The following NCKAP5 variants were observed in gnomAD, a reference collection of about 807,000 sequenced individuals.
NCKAP5 encodes the protein NCK associated protein 5, also known as nck-associated protein 5.
In NCKAP5, 92 loss-of-function variants were observed where a neutral mutation model predicts 167.0. The ratio of observed to expected loss-of-function variants is 0.55; its 90% confidence interval spans 0.47 to 0.66. The LOEUF (loss-of-function observed/expected upper bound fraction) is 0.66, where lower values mean the gene tolerates loss of function less well. Ranked by LOEUF, NCKAP5 falls within the 30% of genes least tolerant of loss-of-function variation. The pLI is 0.00. For missense variants in NCKAP5, 2,378 were observed against 2,315.0 expected, an observed-to-expected ratio of 1.03 and a Z score of -0.56; for synonymous variants, 891 against 877.4, an observed-to-expected ratio of 1.02 and a Z score of -0.27.
chr2:133,405,560 G>A (rs1040917913), intron 3 of NCKAP5, among the ~76,000 whole-genome samples: 2 of 152,216 alleles, frequency 1.3e-5, no homozygotes, highest in African/African-American at 4.8e-5. Context: ...TGTGCATGGG[G>A]AGACTTCAAA....
intron 4 of NCKAP5, among the ~76,000 whole-genome samples, chr2:133,236,393 C>T (rs1219097090): frequency 6.6e-6 from 1 of 151,942 alleles, no homozygotes; most frequent in Non-Finnish European, 1.5e-5. Flanking sequence ...GCATATATAC[C>T]CTACCAGTTG....
chr2:132,907,734 T>C (rs796380751), intron 8 of NCKAP5, among the ~76,000 whole-genome samples: 18 of 152,248 alleles, frequency 1.2e-4, no homozygotes, highest in African/African-American at 4.1e-4. Flanking sequence ...CTTGGCTCAC[T>C]GCAAGCTCAG....
chr2:132,903,096 T>G (rs1327465543), intron 8 of NCKAP5, among the ~76,000 whole-genome samples: 1 of 152,140 alleles, frequency 6.6e-6, no homozygotes, highest in Non-Finnish European at 1.5e-5. Context: ...GTTGTGAGGG[T>G]CACATGGGAT....
chr2:133,230,973 G>T (rs966082295), intron 4 of NCKAP5, among the ~76,000 whole-genome samples: 2 of 152,122 alleles, frequency 1.3e-5, no homozygotes, highest in Admixed American at 1.3e-4. Flanking sequence ...GTTTTTAGGG[G>T]ATGCTGCTGC....
intron 3 of NCKAP5, among the ~76,000 whole-genome samples, chr2:133,315,413 T>G (rs1340296188): frequency 6.6e-6 from 1 of 152,140 alleles, no homozygotes; most frequent in Non-Finnish European, 1.5e-5. Context: ...TTGGGGTAAA[T>G]TTGTGCAAGG....
intron 8 of NCKAP5, among the ~76,000 whole-genome samples, chr2:132,894,155 G>A (rs1417418789): frequency 6.6e-6 from 1 of 152,218 alleles, no homozygotes; most frequent in African/African-American, 2.4e-5. Flanking sequence ...GGAAGATGGG[G>A]AGATCCAAAG....
intron 8 of NCKAP5, among the ~76,000 whole-genome samples, chr2:132,936,875 A>C (rs1050806818): frequency 2.6e-5 from 4 of 152,258 alleles, no homozygotes; most frequent in Non-Finnish European, 4.4e-5. Flanking sequence ...GCAGATAATG[A>C]AATGAGGGTT....
intron 6 of NCKAP5, among the ~76,000 whole-genome samples, chr2:133,119,364 T>G (rs2082183012): frequency 6.6e-6 from 1 of 152,124 alleles, no homozygotes. Flanking sequence ...GTCTCTTAGG[T>G]GCAATCTCAG....
intron 2 of NCKAP5, among the ~76,000 whole-genome samples, chr2:133,531,000 T>A (rs1215617516): frequency 6.6e-6 from 1 of 152,130 alleles, no homozygotes; most frequent in African/African-American, 2.4e-5. Context: ...GGTCATCCCA[T>A]GGAATCAGGA....
chr2:133,221,850 T>C (rs2086674373), intron 4 of NCKAP5, among the ~76,000 whole-genome samples: 1 of 152,250 alleles, frequency 6.6e-6, no homozygotes. Flanking sequence ...TCTATGTTAT[T>C]CTCTAACTTC....
At chr2:132,921,718 G>A (rs1194924520) in intron 8 of NCKAP5, among the ~76,000 whole-genome samples, 1 of 152,084 alleles carries the variant, frequency 6.6e-6, no homozygotes, top group Non-Finnish European at 1.5e-5. Context: ...CTATCTTTGG[G>A]AAAGAGTATC....
chr2:133,067,311 A>C (rs545530858), intron 6 of NCKAP5, among the ~76,000 whole-genome samples: 19 of 152,388 alleles, frequency 1.2e-4, no homozygotes, highest in South Asian at 8.3e-4. Context: ...TTTCCAACTA[A>C]GATATTCTAA....
At chr2:133,532,238 A>G (rs1685424965) in intron 2 of NCKAP5, among the ~76,000 whole-genome samples, 1 of 152,236 alleles carries the variant, frequency 6.6e-6, no homozygotes, top group South Asian at 2.1e-4. Flanking sequence ...CCCCAATTCC[A>G]AAAGAATGGG....
In NCKAP5 at chr2:133,325,183, C is replaced by T. The variant is rs538600084; in HGVS notation, c.70-22073G>A. 3.3e-5 allele frequency among the ~76,000 whole-genome samples: 5 copies of T among 152,250 alleles called. No individual in the cohort carries two copies. The East Asian group carries it at 9.7e-4, about 29-fold the overall frequency. ...GGGAGGAAGGCACTGGAATGCAGAA[C>T]CATAGCTTTACCATGTTAAGCCACT... On this transcript the variant is annotated intron_variant, in intron 3 of 19. Transcript: ENST00000409261.
intron 4 of NCKAP5, among the ~76,000 whole-genome samples, chr2:133,255,712 T>C (rs561647572): frequency 1.3e-5 from 2 of 152,326 alleles, no homozygotes; most frequent in African/African-American, 2.4e-5. Flanking sequence ...TTGCCAACCA[T>C]TGCTTAGAAT....
At chr2:133,391,671 T>C (rs1291101965) in intron 3 of NCKAP5, among the ~76,000 whole-genome samples, 1 of 152,182 alleles carries the variant, frequency 6.6e-6, no homozygotes, top group Non-Finnish European at 1.5e-5. Context: ...GTCCAAAACA[T>C]TGTGTCCCTA....
At chr2:133,367,316 C>T (rs1364025865) in intron 3 of NCKAP5, among the ~76,000 whole-genome samples, 1 of 152,156 alleles carries the variant, frequency 6.6e-6, no homozygotes, top group Non-Finnish European at 1.5e-5. Flanking sequence ...TGGGGTGAGG[C>T]AGGACCCAGC....
chr2:133,270,925 TTTTTTC>T (rs1312280872), intron 4 of NCKAP5, among the ~76,000 whole-genome samples: 1 of 141,918 alleles, frequency 7.0e-6, no homozygotes, highest in Non-Finnish European at 1.6e-5. Flanking sequence ...TTTTTTTTTT[TTTTTTC>T]TTTTTTGAGA....
At chr2:133,190,128 C>A (rs539755188) in intron 5 of NCKAP5, among the ~76,000 whole-genome samples, 4 of 151,928 alleles carry the variant, frequency 2.6e-5, no homozygotes, top group African/African-American at 9.7e-5. Flanking sequence ...TATACACCAA[C>A]AACAGACAAA....
Sources: gnomAD v4.1 joint callset for allele counts (sites outside exome capture counted in the v4.1 genomes callset) on GRCh38, gnomAD v4.1.1 for gene constraint, MANE v1.5 for transcripts, NCBI Gene and HGNC (gene_info 2026-07-23, HGNC 2026-07-21) for gene names.